The following NOL4 variants were observed in gnomAD, a reference collection of about 807,000 sequenced individuals.
The protein encoded by NOL4 is nucleolar protein 4.
A neutral mutation model predicts 75.9 loss-of-function variants in NOL4; 17 were observed. The observed-to-expected ratio is 0.22, with a 90% CI of 0.15 to 0.34. The LOEUF (loss-of-function observed/expected upper bound fraction) is 0.34, where lower values mean the gene tolerates loss of function less well. NOL4 is among the 10% of genes least tolerant of loss of function. The probability of loss-of-function intolerance (pLI) is 1.00; values close to 1 mark genes in which losing one functional copy is unlikely to be tolerated. For missense variants in NOL4, 614 were observed against 793.5 expected (o/e 0.77, Z 2.72); for synonymous variants, 292 against 289.9 (o/e 1.01, Z -0.07).
At chr18:33,948,114 C>A (rs549879125) in intron 8 of NOL4, among the ~76,000 whole-genome samples, 1 of 151,988 alleles carries the variant, frequency 6.6e-6, no homozygotes, top group East Asian at 1.9e-4. Context: ...AGGTTATGGT[C>A]ATGGGTTAAT....
intron 10 of NOL4, among the ~76,000 whole-genome samples, chr18:33,868,692 C>T (rs1312510209): frequency 6.7e-6 from 1 of 149,160 alleles, no homozygotes; most frequent in Non-Finnish European, 1.5e-5. Context: ...CACACACACA[C>T]GTTTATCCCA....
At chr18:34,130,304 C>G (rs1317150529) in intron 1 of NOL4, among the ~76,000 whole-genome samples, 1 of 151,916 alleles carries the variant, frequency 6.6e-6, no homozygotes, top group South Asian at 2.1e-4. Context: ...TTGTTGCCAT[C>G]AGTACGATTT....
intron 9 of NOL4, among the ~76,000 whole-genome samples, chr18:33,900,468 C>G (rs116836503): frequency 0.015 from 2,299 of 152,212 alleles, 54 homozygotes; most frequent in African/African-American, 0.052. Flanking sequence ...CTTTGAATTT[C>G]CCATTATTAA....
intron 2 of NOL4, among the ~76,000 whole-genome samples, chr18:34,118,379 A>T (rs2145814585): frequency 6.6e-6 from 1 of 152,292 alleles, no homozygotes; most frequent in East Asian, 1.9e-4. Context: ...GAAAATTTGT[A>T]TCACAAACCC....
chr18:34,101,389 C>G, intron 4 of NOL4, among the ~76,000 whole-genome samples: 1 of 152,126 alleles, frequency 6.6e-6, no homozygotes, highest in Non-Finnish European at 1.5e-5. Context: ...AGTAATCATA[C>G]TGGGTAGGTT....
intron 9 of NOL4, among the ~76,000 whole-genome samples, chr18:33,897,377 T>C (rs1470102759): frequency 6.6e-6 from 1 of 152,182 alleles, no homozygotes; most frequent in African/African-American, 2.4e-5. Context: ...TGCCCATCAA[T>C]GGCAGGTTGG....
At chr18:33,910,118 A>G (rs1283167556) in intron 9 of NOL4, among the ~76,000 whole-genome samples, 6 of 152,312 alleles carry the variant, frequency 3.9e-5, no homozygotes, top group Middle Eastern at 3.4e-3. Flanking sequence ...TATGCTCTTG[A>G]GGATTTTGTT....
At position 33,920,383 on chromosome 18, in the gene NOL4, G is replaced by A. The variant is rs192054067; in HGVS notation, c.1542+22682C>T. On this transcript the variant is annotated intron_variant, in intron 9 of 10. Coordinates refer to ENST00000261592, the MANE Select transcript of NOL4 (RefSeq NM_003787.5). ...AGAGTTGGTGGTAGTTATATATTTTGCATCTGTAAATACACTTTAAATTAT... is the reference window on the plus strand; with the variant it reads ...AGAGTTGGTGGTAGTTATATATTTTACATCTGTAAATACACTTTAAATTAT... 2.0e-4 allele frequency among the ~76,000 whole-genome samples: 31 copies of A among 152,310 alleles called. No individual in the cohort carries two copies. In the East Asian group the frequency reaches 5.8e-3, roughly 28 times the overall value.
At chr18:34,045,171 C>T (rs1299564530) in intron 5 of NOL4, among the ~76,000 whole-genome samples, 4 of 152,160 alleles carry the variant, frequency 2.6e-5, no homozygotes, top group East Asian at 3.9e-4. Context: ...CAACAGGTTC[C>T]CAAAGTGCTG....
intron 1 of NOL4, among the ~76,000 whole-genome samples, chr18:34,136,944 T>G (rs886421643): frequency 2.6e-5 from 4 of 152,116 alleles, no homozygotes; most frequent in Non-Finnish European, 4.4e-5. Flanking sequence ...GATAGTGTGG[T>G]ATTGGCATGT....
intron 2 of NOL4, among the ~76,000 whole-genome samples, chr18:34,129,545 T>C (rs921763160): frequency 6.6e-6 from 1 of 151,554 alleles, no homozygotes; most frequent in Non-Finnish European, 1.5e-5. Context: ...AGTCCATAAT[T>C]CATATGCTAT....
At chr18:34,162,351 A>T (rs1305808017) in intron 1 of NOL4, among the ~76,000 whole-genome samples, 1 of 152,204 alleles carries the variant, frequency 6.6e-6, no homozygotes, top group African/African-American at 2.4e-5. Context: ...CAAGACTAAT[A>T]AAGAAGAAAA....
At chr18:33,860,831 T>G (rs1031007847) in intron 10 of NOL4, among the ~76,000 whole-genome samples, 1 of 151,824 alleles carries the variant, frequency 6.6e-6, no homozygotes, top group South Asian at 2.1e-4. Flanking sequence ...TTATTGAGAG[T>G]TTTTAGCATG....
chr18:33,998,883 A>G (rs2073482275), intron 6 of NOL4, among the ~76,000 whole-genome samples: 1 of 152,070 alleles, frequency 6.6e-6, no homozygotes, highest in Non-Finnish European at 1.5e-5. Context: ...CCCCTTCCAC[A>G]TGCTTCACTT....
At chr18:34,188,320 A>G (rs1157801861) in intron 1 of NOL4, among the ~76,000 whole-genome samples, 2 of 152,232 alleles carry the variant, frequency 1.3e-5, no homozygotes, top group Admixed American at 1.3e-4. Context: ...GGTGTCTAAG[A>G]TACAATGCCA....
chr18:34,091,956 T>C (rs978651974), intron 5 of NOL4, among the ~76,000 whole-genome samples: 2 of 152,170 alleles, frequency 1.3e-5, no homozygotes, highest in African/African-American at 4.8e-5. Flanking sequence ...AGTTGTGCCA[T>C]AGCCAAAGAC....
At chr18:34,083,946 G>T (rs938675021) in intron 5 of NOL4, among the ~76,000 whole-genome samples, 1 of 152,172 alleles carries the variant, frequency 6.6e-6, no homozygotes, top group African/African-American at 2.4e-5. Context: ...TTTGTTGGGG[G>T]TTCACTCTGG....
chr18:34,218,963 C>T (rs2146624621), intron 1 of NOL4, among the ~76,000 whole-genome samples: 1 of 152,200 alleles, frequency 6.6e-6, no homozygotes, highest in Middle Eastern at 3.4e-3. Flanking sequence ...GGATTTATGA[C>T]CAAAACCACA....
intron 9 of NOL4, among the ~76,000 whole-genome samples, chr18:33,897,006 C>T (rs377621200): frequency 2.0e-5 from 3 of 151,538 alleles, no homozygotes; most frequent in African/African-American, 7.3e-5. Flanking sequence ...AGTAAGCATA[C>T]GAAAAAAAAG....
Sources: allele counts gnomAD v4.1 joint callset (sites outside exome capture counted in the v4.1 genomes callset), GRCh38; gene constraint gnomAD v4.1.1; transcripts MANE v1.5; gene names NCBI Gene and HGNC (gene_info 2026-07-23, HGNC 2026-07-21).